Variants in COL25A1 observed in about 807,000 individuals in gnomAD.
COL25A1 encodes collagen type XXV alpha 1 chain.
In COL25A1, 103 loss-of-function variants were observed where a neutral mutation model predicts 128.4. The ratio of observed to expected loss-of-function variants is 0.80; its 90% CI spans 0.68 to 0.94. The LOEUF (loss-of-function observed/expected upper bound fraction) is 0.94. Among genes scored for constraint, COL25A1 ranks in the 40% least tolerant of loss-of-function variants. The pLI, the probability that COL25A1 is intolerant of heterozygous loss-of-function variation, is 0.00. For synonymous variants in COL25A1, 279 were observed against 277.2 expected (o/e 1.01, Z -0.06); for missense variants, 745 against 840.0 (o/e 0.89, Z 1.40).
intron 13 of COL25A1, among the ~76,000 whole-genome samples, chr4:108,907,536 C>G (rs1283775816): frequency 2.0e-5 from 3 of 152,194 alleles, no homozygotes; most frequent in Admixed American, 6.5e-5. Context: ...ATCTGCTTTT[C>G]CCTAAGCAGG....
intron 6 of COL25A1, among the ~76,000 whole-genome samples, chr4:109,009,455 A>C (rs1209336512): frequency 1.3e-5 from 2 of 152,228 alleles, no homozygotes; most frequent in Non-Finnish European, 2.9e-5. Context: ...GATCATAAAA[A>C]GCATAAATAA....
chr4:109,178,072 T>A (rs1052171351), intron 3 of COL25A1, among the ~76,000 whole-genome samples: 1 of 152,348 alleles, frequency 6.6e-6, no homozygotes, highest in African/African-American at 2.4e-5. Flanking sequence ...TGACTTTAAT[T>A]TCTTGCCCTA....
chr4:109,040,278 C>T (rs1450465184), intron 5 of COL25A1, among the ~76,000 whole-genome samples: 1 of 152,086 alleles, frequency 6.6e-6, no homozygotes, highest in East Asian at 1.9e-4. Flanking sequence ...CAAATGTAGG[C>T]CAGCGTCATG....
chr4:109,228,577 C>A (rs1778959077), intron 3 of COL25A1, among the ~76,000 whole-genome samples: 1 of 152,066 alleles, frequency 6.6e-6, no homozygotes, highest in Non-Finnish European at 1.5e-5. Context: ...ATCAAAAGAT[C>A]CTTAGACGTT....
chr4:109,070,635 CATTA>C (rs1316438642), intron 3 of COL25A1, among the ~76,000 whole-genome samples: 2 of 151,614 alleles, frequency 1.3e-5, no homozygotes, highest in African/African-American at 4.8e-5. Context: ...GTGCTGCACC[CATTA>C]ACTCGTCATT....
intron 20 of COL25A1, 30 bp downstream of exon 20, chr4:108,869,058 A>G (rs1738360379): frequency 6.9e-7 from 1 of 1,449,816 alleles, no homozygotes; most frequent in South Asian, 1.2e-5. Flanking sequence ...AGAAAAAGAA[A>G]GAAAGAAGGA....
Position 108,813,765 on chromosome 4 carries a change from T to C in COL25A1, c.*162A>G. 1 of 585,152 alleles carries C rather than the reference T, an allele frequency of 1.7e-6. No homozygotes were observed. The highest frequency in any genetic ancestry group is 3.1e-6 in the Non-Finnish European group (1 of 324,168). 36.2% of individuals were successfully genotyped at this position (585,152 alleles called of 1,614,324 possible). ...GTTTCACAAATTGCCCAATTTCAGATGTAAGTGGAGTAAAAATGGACATGT... is the reference window on the plus strand; with the variant it reads ...GTTTCACAAATTGCCCAATTTCAGACGTAAGTGGAGTAAAAATGGACATGT... On this transcript the variant is annotated 3_prime_UTR_variant, in exon 38 of 38. Transcript: ENST00000399132.
intron 3 of COL25A1, among the ~76,000 whole-genome samples, chr4:109,105,502 C>T (rs554324969): frequency 6.9e-4 from 105 of 152,158 alleles, no homozygotes; most frequent in African/African-American, 2.4e-3. Context: ...AATAAACAAA[C>T]AAAATTCTAA....
At chr4:108,976,276 T>C (rs1752434565) in intron 6 of COL25A1, among the ~76,000 whole-genome samples, 1 of 152,236 alleles carries the variant, frequency 6.6e-6, no homozygotes, top group Non-Finnish European at 1.5e-5. Flanking sequence ...TGATGTGAGG[T>C]AAAAGTCAAG....
chr4:109,271,187 T>C (rs1484097445), intron 3 of COL25A1, among the ~76,000 whole-genome samples: 1 of 152,192 alleles, frequency 6.6e-6, no homozygotes, highest in African/African-American at 2.4e-5. Flanking sequence ...TTTATTATTA[T>C]TGTTACACAA....
At position 108,918,156 on chromosome 4, in the gene COL25A1, A is replaced by G. The variant is rs755146772; in HGVS notation, c.780+16T>C. ...CACCAAATTATTTTTAAAATACAAT[A>G]TTCTATAGAACTCACCTTTTGCCCA... On this transcript the variant is annotated intron_variant, in intron 13 of 37. Coordinates refer to ENST00000399132, the MANE Select transcript of COL25A1 (RefSeq NM_198721.4). 2 of 1,543,170 alleles carry G rather than the reference A, an allele frequency of 1.3e-6. No individual in the cohort carries two copies. The highest frequency in any genetic ancestry group is 2.7e-5 in the African/African-American group (2 of 73,278).
rs1362213494 is a variant in COL25A1 at position 108,970,684 on chromosome 4, T to A, written c.492+3683A>T. ...CCTCTTATCTAACTGAAAGTTTGTATCCTTTGACCAACATCTCCTAAAACC... is the reference window on the plus strand; with the variant it reads ...CCTCTTATCTAACTGAAAGTTTGTAACCTTTGACCAACATCTCCTAAAACC... On this transcript the variant is annotated intron_variant, in intron 8 of 37. Coordinates refer to ENST00000399132, the MANE Select transcript of COL25A1 (RefSeq NM_198721.4). Among the ~76,000 whole-genome samples, 7 of 152,298 alleles carry A rather than the reference T, an allele frequency of 4.6e-5. No individual in the cohort carries two copies. In the East Asian group the frequency reaches 9.7e-4, roughly 21 times the overall value.
Position 108,982,599 on chromosome 4 carries a change from T to C in COL25A1, c.439-8040A>G, listed in dbSNP as rs183942400. Among the ~76,000 whole-genome samples, 320 of 152,242 alleles carry C rather than the reference T, an allele frequency of 2.1e-3. 1 individual carries two copies. Among genetic ancestry groups the C allele is most frequent in the African/African-American group, 7.1e-3 (296 of 41,554 alleles). ...TGCAGAAGAACCGTGTTTATTATAGTGTCAAACTCTGCTAAGCCAGGGAAG... is the reference window on the plus strand; with the variant it reads ...TGCAGAAGAACCGTGTTTATTATAGCGTCAAACTCTGCTAAGCCAGGGAAG... On this transcript the variant is annotated intron_variant, in intron 6 of 37. Coordinates refer to ENST00000399132, the MANE Select transcript of COL25A1 (RefSeq NM_198721.4).
intron 5 of COL25A1, among the ~76,000 whole-genome samples, chr4:109,033,469 G>A (rs1046708886): frequency 6.6e-6 from 1 of 152,228 alleles, no homozygotes; most frequent in African/African-American, 2.4e-5. Flanking sequence ...AACAGTGAAA[G>A]GCAGTCCCCA....
chr4:109,014,367 T>TTAA (rs1561027748), intron 5 of COL25A1, among the ~76,000 whole-genome samples: 1 of 152,164 alleles, frequency 6.6e-6, no homozygotes, highest in African/African-American at 2.4e-5. Context: ...GCATCTCTTA[T>TTAA]ATGTGTTATG....
At chr4:108,928,114 T>G (rs1317911075) in intron 11 of COL25A1, among the ~76,000 whole-genome samples, 1 of 152,146 alleles carries the variant, frequency 6.6e-6, no homozygotes, top group Non-Finnish European at 1.5e-5. Flanking sequence ...TTAAACATAC[T>G]TCCCTCGAGT....
intron 19 of COL25A1, among the ~76,000 whole-genome samples, chr4:108,874,875 CG>C (rs1202985404): frequency 1.3e-5 from 2 of 152,118 alleles, no homozygotes; most frequent in East Asian, 1.9e-4. Context: ...TACTTTAATC[CG>C]TTTTTTTTCC....
At chr4:109,040,573 C>T (rs770320063) in intron 5 of COL25A1, among the ~76,000 whole-genome samples, 2 of 152,176 alleles carry the variant, frequency 1.3e-5, no homozygotes, top group African/African-American at 4.8e-5. Flanking sequence ...CCTCACAAAC[C>T]AGCAAGAGTC....
intron 8 of COL25A1, among the ~76,000 whole-genome samples, chr4:108,956,387 C>T (rs1448393549): frequency 6.6e-6 from 1 of 152,004 alleles, no homozygotes; most frequent in African/African-American, 2.4e-5. Flanking sequence ...CAGGACTGAT[C>T]CGTTTAATAC....
Sources: allele counts gnomAD v4.1 joint callset (sites outside exome capture counted in the v4.1 genomes callset), GRCh38; gene constraint gnomAD v4.1.1; transcripts MANE v1.5; gene names NCBI Gene and HGNC (gene_info 2026-07-23, HGNC 2026-07-21).